The following UNC13C variants were observed in gnomAD, a reference collection of about 807,000 sequenced individuals.
The protein encoded by UNC13C is protein unc-13 homolog C.
UNC13C carries 174 observed loss-of-function variants against 245.4 expected under a neutral mutation model. The observed-to-expected ratio is 0.71, with a 90% CI of 0.63 to 0.80. UNC13C has a LOEUF of 0.80. UNC13C is among the 30% of genes least tolerant of loss of function. The pLI is 0.00. For missense variants in UNC13C, 2,829 were observed against 2,602.9 expected, an observed-to-expected ratio of 1.09 and a Z score of -1.89; for synonymous variants, 992 against 895.1, an observed-to-expected ratio of 1.11 and a Z score of -1.93.
chr15:54,093,106 C>T (rs1899656621), intron 2 of UNC13C, among the ~76,000 whole-genome samples: 1 of 151,744 alleles, frequency 6.6e-6, no homozygotes, highest in Non-Finnish European at 1.5e-5. Context: ...TCTATTCTTG[C>T]TTATAAGTCC....
At chr15:53,968,321 G>A in the UNC13C span, among the ~76,000 whole-genome samples, 63 of 152,278 alleles carry the variant, frequency 4.1e-4, no homozygotes, top group Middle Eastern at 3.4e-3. Context: ...TTAAAATGCA[G>A]TTCACAGTTG....
the UNC13C span, among the ~76,000 whole-genome samples, chr15:53,959,255 A>T: frequency 6.6e-6 from 1 of 152,078 alleles, no homozygotes; most frequent in Non-Finnish European, 1.5e-5. Flanking sequence ...TAAACATGGG[A>T]ATGTAGATAT....
chr15:54,320,768 C>T, intron 13 of UNC13C: 2 of 381,844 alleles, frequency 5.2e-6, no homozygotes, highest in Non-Finnish European at 1.0e-5. Flanking sequence ...CTACTGGAAC[C>T]ACCATGACCA....
At chr15:54,375,808 C>T (rs1332088885) in intron 17 of UNC13C, among the ~76,000 whole-genome samples, 6 of 152,188 alleles carry the variant, frequency 3.9e-5, no homozygotes, top group Non-Finnish European at 7.3e-5. Context: ...AGATTGCAGC[C>T]CCCTGAAACA....
chr15:54,552,709 A>C (rs1324262716), intron 28 of UNC13C, among the ~76,000 whole-genome samples: 24 of 90,738 alleles, frequency 2.6e-4, no homozygotes, highest in Admixed American at 3.9e-4. Context: ...ATATATAATT[A>C]TATTATATTG....
At chr15:54,082,146 G>A (rs1373887843) in intron 2 of UNC13C, among the ~76,000 whole-genome samples, 1 of 152,142 alleles carries the variant, frequency 6.6e-6, no homozygotes, top group African/African-American at 2.4e-5. Context: ...ACCGCTGTTA[G>A]CCTAATGGGA....
chr15:54,168,789 A>C (rs1314691468), intron 4 of UNC13C, among the ~76,000 whole-genome samples: 1 of 152,236 alleles, frequency 6.6e-6, no homozygotes, highest in Admixed American at 6.5e-5. Flanking sequence ...AACTAAAAAT[A>C]AAATACAATT....
At chr15:54,493,011 A>T (rs1893789443) in intron 19 of UNC13C, among the ~76,000 whole-genome samples, 1 of 152,144 alleles carries the variant, frequency 6.6e-6, no homozygotes, top group Admixed American at 6.5e-5. Context: ...ATCCCAAGTG[A>T]TAGAGGAGCC....
the UNC13C span, among the ~76,000 whole-genome samples, chr15:53,933,163 A>G: frequency 6.6e-6 from 1 of 152,162 alleles, no homozygotes; most frequent in African/African-American, 2.4e-5. Flanking sequence ...AGCCTGGACA[A>G]TTAGGATAGC....
intron 2 of UNC13C, among the ~76,000 whole-genome samples, chr15:54,128,015 A>G (rs1159338904): frequency 6.6e-6 from 1 of 152,026 alleles, no homozygotes; most frequent in Non-Finnish European, 1.5e-5. Context: ...TACCTAGGAT[A>G]TCCTAAAGAC....
chr15:54,338,982 T>A (rs2038661568), intron 17 of UNC13C, among the ~76,000 whole-genome samples: 1 of 152,226 alleles, frequency 6.6e-6, no homozygotes, highest in African/African-American at 2.4e-5. Flanking sequence ...TTCTCCTGCC[T>A]CAGGCTCCCC....
chr15:54,456,569 T>C (rs1415624007), intron 19 of UNC13C, among the ~76,000 whole-genome samples: 1 of 151,008 alleles, frequency 6.6e-6, no homozygotes, highest in Non-Finnish European at 1.5e-5. Context: ...TCACCTCTTT[T>C]GTTAGGTTTA....
chr15:54,387,335 C>T (rs1321170390), intron 17 of UNC13C, among the ~76,000 whole-genome samples: 1 of 152,142 alleles, frequency 6.6e-6, no homozygotes, highest in Non-Finnish European at 1.5e-5. Flanking sequence ...TTTCCTGGAA[C>T]TGAGGGTTTC....
intron 10 of UNC13C, among the ~76,000 whole-genome samples, chr15:54,267,036 T>G (rs529204457): frequency 6.6e-6 from 1 of 152,232 alleles, no homozygotes; most frequent in South Asian, 2.1e-4. Flanking sequence ...TCACAGTTTA[T>G]TTTACTATTC....
chr15:54,510,440 C>T (rs1169897489), intron 23 of UNC13C, among the ~76,000 whole-genome samples: 5 of 151,394 alleles, frequency 3.3e-5, no homozygotes, highest in African/African-American at 1.2e-4. Context: ...GTAGTTCTCA[C>T]TTATGGCTAT....
At chr15:54,193,312 T>G (rs986644939) in intron 4 of UNC13C, among the ~76,000 whole-genome samples, 1 of 152,206 alleles carries the variant, frequency 6.6e-6, no homozygotes, top group African/African-American at 2.4e-5. Flanking sequence ...CTTGGAGACT[T>G]CCTGAATCCC....
chr15:53,838,859 G>T, the UNC13C span, among the ~76,000 whole-genome samples: 7 of 152,096 alleles, frequency 4.6e-5, no homozygotes, highest in Non-Finnish European at 1.0e-4. Flanking sequence ...GGAGGAGAGA[G>T]AGTTGGTTAA....
chr15:53,932,956 G>C, the UNC13C span, among the ~76,000 whole-genome samples: 2 of 152,150 alleles, frequency 1.3e-5, no homozygotes, highest in South Asian at 4.1e-4. Context: ...CTAAGCTCCA[G>C]CCATTCTGGT....
intron 18 of UNC13C, among the ~76,000 whole-genome samples, chr15:54,398,872 C>A (rs889079376): frequency 2.7e-4 from 41 of 151,426 alleles, no homozygotes; most frequent in African/African-American, 9.9e-4. Context: ...ACTGTCTGAA[C>A]GTTTATAAAT....
Sources: allele counts gnomAD v4.1 joint callset (sites outside exome capture counted in the v4.1 genomes callset), GRCh38; gene constraint gnomAD v4.1.1; transcripts MANE v1.5; gene names NCBI Gene and HGNC (gene_info 2026-07-23, HGNC 2026-07-21).